Variants in INPPL1 observed in about 807,000 individuals in gnomAD.
INPPL1 encodes the protein phosphatidylinositol 3,4,5-trisphosphate 5-phosphatase 2.
Under a neutral mutation model 139.3 loss-of-function variants are expected in INPPL1, and 91 were observed. That is an observed-to-expected ratio of 0.65 (90% CI 0.55 to 0.78). The LOEUF (loss-of-function observed/expected upper bound fraction) is 0.78, where lower values mean the gene tolerates loss of function less well. Among genes scored for constraint, INPPL1 ranks in the 30% least tolerant of loss-of-function variants. INPPL1 has a pLI of 0.00. For missense variants in INPPL1, 1,411 were observed against 1,665.6 expected (o/e 0.85, Z 2.66); for synonymous variants, 719 against 686.6 (o/e 1.05, Z -0.74).
chr11:72,238,264 G>A lies in INPPL1; in HGVS notation c.3688G>A (p.Asp1230Asn). 6.2e-7 allele frequency: 1 copy of A among 1,613,390 alleles called. No individual in the cohort carries two copies. Among genetic ancestry groups the A allele is most frequent in the South Asian group, 1.1e-5 (1 of 91,028 alleles). ...TTCCCAGCCTGTTTTACTCCACAGT[G>A]ACATCACCGAGGAGGACTTGGAGGA... is the stretch of plus-strand genomic sequence containing the variant. ...NGWDDLEFLS[D>N]ITEEDLEEAG... The change falls in exon 28 of 28, where the codon GAC becomes AAC. Residue 1230 changes from aspartate (D) to asparagine (N), a missense_variant and splice_region_variant. Coordinates refer to ENST00000298229, the MANE Select transcript of INPPL1 (RefSeq NM_001567.4).
In INPPL1 at chr11:72,231,129, C is replaced by G. The variant is rs201505175; in HGVS notation, c.1437C>G (p.Arg479=). The G allele has an allele frequency of 6.2e-7, 1 of 1,613,700 alleles. No homozygotes were observed. Among genetic ancestry groups the G allele is most frequent in the Admixed American group, 1.7e-5 (1 of 59,996 alleles). ...FGTQENSVGD[R]EWLDLLRGGL... ...CCCAGGAGAACTCAGTGGGCGACCG[C>G]GAGTGGCTGGACCTACTGCGCGGGG... Residue 479 remains arginine, a synonymous_variant, in exon 12 of 28, where the codon CGC becomes CGG. Transcript: ENST00000298229.
At chr11:72,232,547 C>A in intron 14 of INPPL1, 79 bp from the exon 15 acceptor site, 3 of 1,544,952 alleles carry the variant, frequency 1.9e-6, no homozygotes, top group South Asian at 2.3e-5. Context: ...CCTGAGACTT[C>A]TTCCCTTTAT....
chr11:72,234,736 T>C lies in INPPL1; in HGVS notation c.2415+121T>C. The C allele has an allele frequency of 2.3e-6, 1 of 440,130 alleles. No individual in the cohort carries two copies. The highest frequency in any genetic ancestry group is 3.1e-5 in the South Asian group (1 of 32,442). The allele number at this position is 440,130 out of a possible 1,614,324, so 27.3% of individuals were successfully genotyped here. The stretch of plus-strand genomic sequence containing the variant: ...CCAGCAGAGAGAGAGAGAGAGAGTG[T>C]GTGTGTGTGTGTGTGTGTGTGTGTG... On this transcript the variant is annotated intron_variant, in intron 21 of 27. Transcript: ENST00000298229. This position sits in a 1 kb window ranked among gnomAD's most constrained non-coding sequence, Gnocchi z 4.2.
At chr11:72,236,078 C>T (rs1240308191) in intron 25 of INPPL1, 92 bp downstream of exon 25, 3 of 735,540 alleles carry the variant, frequency 4.1e-6, no homozygotes, top group Non-Finnish European at 6.7e-6. Context: ...GCCTGGAGAT[C>T]ATCAGCTGCT....
At chr11:72,225,410 T>C (rs1948642833) in intron 1 of INPPL1, 1 of 985,202 alleles carries the variant, frequency 1.0e-6, no homozygotes, top group Non-Finnish European at 1.2e-6. Context: ...TGTGGCCCAG[T>C]GTGACTGTGA....
Position 72,237,236 on chromosome 11 carries a change from C to T in INPPL1, c.2992C>T (p.Pro998Ser), listed in dbSNP as rs1453630221. 4 of 1,614,010 alleles carry T rather than the reference C, an allele frequency of 2.5e-6. No homozygotes were observed. The highest frequency in any genetic ancestry group is 4.5e-5 in the East Asian group (2 of 44,880). ...TGAAGGGGTCCCGCACCAGCTGCTG[C>T]CCCCGGAGCCACCCTCGCCTGCCAG... ...VLEGVPHQLLPPEPPSPARAP... is the reference protein window; with the variant it reads ...VLEGVPHQLLSPEPPSPARAP... Residue 998 changes from proline (P) to serine (S), a missense_variant, in exon 26 of 28, where the codon CCC (proline) becomes TCC (serine). This residue lies in a region of INPPL1 where 438 missense variants were observed against 425.7 expected (regional missense o/e 1.03). Transcript: ENST00000298229.
intron 5 of INPPL1, 56 bp from the exon 6 acceptor site, chr11:72,229,409 C>G (rs1353756896): frequency 5.2e-5 from 81 of 1,550,162 alleles, no homozygotes; most frequent in Non-Finnish European, 7.2e-5. Context: ...ACCCAGCGCC[C>G]CCTTCCCTAT....
rs964798894 is a variant in INPPL1 at position 72,234,090 on chromosome 11, G to A, written c.2213-191G>A. Among the ~76,000 whole-genome samples, 3 of 152,184 alleles carry A rather than the reference G, an allele frequency of 2.0e-5. No homozygotes were observed. The highest frequency in any genetic ancestry group is 2.9e-5 in the Non-Finnish European group (2 of 68,022). The stretch of plus-strand genomic sequence containing the variant: ...TCAATGGGTTTTTTATCCTTGGGTT[G>A]TCTCTTTGCTCTGGTCCAGGGTCTG... On this transcript the variant is annotated intron_variant, in intron 19 of 27. Transcript: ENST00000298229. This position sits in a 1 kb window ranked among gnomAD's most constrained non-coding sequence, Gnocchi z 4.2.
At position 72,232,343 on chromosome 11, in the gene INPPL1, G is replaced by A. The variant is rs369072158; in HGVS notation, c.1712+7G>A. The A allele has an allele frequency of 6.5e-7, 1 of 1,550,332 alleles. No individual in the cohort carries two copies. The highest frequency in any genetic ancestry group is 8.7e-7 in the Non-Finnish European group (1 of 1,145,978). ...GAAATGAGAAGACGGCTCGGTGAGG[G>A]GGCGCCTTTCCCATGGTCTCTTTAC... is the stretch of plus-strand genomic sequence containing the variant. On this transcript the variant is annotated splice_region_variant and intron_variant, in intron 14 of 27. Coordinates refer to ENST00000298229, the MANE Select transcript of INPPL1 (RefSeq NM_001567.4).
At chr11:72,233,234 G>C in intron 17 of INPPL1, 71 bp downstream of exon 17, 1 of 1,383,336 alleles carries the variant, frequency 7.2e-7, no homozygotes, top group Non-Finnish European at 1.0e-6. Flanking sequence ...TGGGTCAAGG[G>C]TATGGGCCTC....
In INPPL1 at chr11:72,228,716, C is replaced by G. The variant is rs1173034457; in HGVS notation, c.398-11C>G. 1.2e-6 allele frequency: 2 copies of G among 1,607,964 alleles called. No individual in the cohort carries two copies. Among genetic ancestry groups the G allele is most frequent in the Non-Finnish European group, 1.7e-6 (2 of 1,176,908 alleles). On this transcript the variant is annotated splice_polypyrimidine_tract_variant and intron_variant, in intron 3 of 27. Coordinates refer to ENST00000298229, the MANE Select transcript of INPPL1 (RefSeq NM_001567.4). This position sits in a 1 kb window ranked among gnomAD's most constrained non-coding sequence, Gnocchi z 5.0. Reference sequence around the variant, plus strand: ...AGGCCCAAACGGCTGCCCACTGACCCCTGCCCACAGATGGGGAGGATGAGA... The same window carrying G: ...AGGCCCAAACGGCTGCCCACTGACCGCTGCCCACAGATGGGGAGGATGAGA...
rs1319618130 is a variant in INPPL1, at chr11:72,230,472, A to G, written c.1197+4A>G. 1 of 1,613,016 alleles carries G rather than the reference A, an allele frequency of 6.2e-7. No homozygotes were observed. Among genetic ancestry groups the G allele is most frequent in the Non-Finnish European group, 8.5e-7 (1 of 1,179,692 alleles). Reference sequence around the variant, plus strand: ...CTTCATCTTTGTCAGTGCCCGGGTGAGCAGCAGGCTGGGCCAGGCCACTGG... The same window carrying G: ...CTTCATCTTTGTCAGTGCCCGGGTGGGCAGCAGGCTGGGCCAGGCCACTGG... On this transcript the variant is annotated splice_donor_region_variant and intron_variant, in intron 10 of 27. Transcript: ENST00000298229.
Position 72,234,476 on chromosome 11 carries a change from A to T in INPPL1, c.2327-51A>T. Reference sequence around the variant, plus strand: ...GCAGTCAGCCCCCTACTTAGGGGGAAAGGAAGCTGAGAGGTGGTGCTCAGT... The same window carrying T: ...GCAGTCAGCCCCCTACTTAGGGGGATAGGAAGCTGAGAGGTGGTGCTCAGT... On this transcript the variant is annotated intron_variant, in intron 20 of 27. Coordinates refer to ENST00000298229, the MANE Select transcript of INPPL1 (RefSeq NM_001567.4). This position sits in a 1 kb window ranked among gnomAD's most constrained non-coding sequence, Gnocchi z 4.2. The T allele has an allele frequency of 6.3e-7, 1 of 1,588,724 alleles. No homozygotes were observed.
chr11:72,223,845 CGCGGGGCGGG>C (rs1010945088), upstream of INPPL1: 1 of 149,752 alleles, frequency 6.7e-6, no homozygotes, highest in Middle Eastern at 3.3e-3. Context: ...CCCGGGGCGG[CGCGGGGCGGG>C]GCGGGCGGCG....
At position 72,238,477 on chromosome 11, in the gene INPPL1, C is replaced by A; in HGVS notation, c.*124C>A. ...ATCTCTCTGCCTATTTATTGGGGTG[C>A]CTATTTATTGGGGATCTGCATTCCC... is the stretch of plus-strand genomic sequence containing the variant. On this transcript the variant is annotated 3_prime_UTR_variant, in exon 28 of 28. Transcript: ENST00000298229. 1.3e-6 allele frequency: 1 copy of A among 746,952 alleles called. No individual in the cohort carries two copies. The highest frequency in any genetic ancestry group is 2.0e-6 in the Non-Finnish European group (1 of 491,110). 46.3% of individuals were successfully genotyped at this position (746,952 alleles called of 1,614,324 possible).
chr11:72,232,340 AG>A lies in INPPL1; in HGVS notation c.1712+9del. 2 of 1,550,978 alleles carry A rather than the reference AG, an allele frequency of 1.3e-6. No individual in the cohort carries two copies. The highest frequency in any genetic ancestry group is 1.7e-6 in the Non-Finnish European group (2 of 1,146,452). On this transcript the variant is annotated splice_donor_5th_base_variant and intron_variant, in intron 14 of 27. Coordinates refer to ENST00000298229, the MANE Select transcript of INPPL1 (RefSeq NM_001567.4). ...CGGGAAATGAGAAGACGGCTCGGTGAGGGGGCGCCTTTCCCATGGTCTCTTT... is the reference window on the plus strand; with the variant it reads ...CGGGAAATGAGAAGACGGCTCGGTGAGGGGCGCCTTTCCCATGGTCTCTTT...
rs1299777304 is a variant in INPPL1, at chr11:72,230,477, C to T, written c.1197+9C>T. ...TCTTTGTCAGTGCCCGGGTGAGCAG[C>T]AGGCTGGGCCAGGCCACTGGGGACT... On this transcript the variant is annotated intron_variant, in intron 10 of 27. Transcript: ENST00000298229. The T allele has an allele frequency of 6.2e-7, 1 of 1,612,048 alleles. No individual in the cohort carries two copies. The highest frequency in any genetic ancestry group is 8.5e-7 in the Non-Finnish European group (1 of 1,178,876).
rs1344587358 is a variant in INPPL1, at chr11:72,231,480, C to T, written c.1498-18C>T. 6.4e-7 allele frequency: 1 copy of T among 1,564,574 alleles called. No homozygotes were observed. Among genetic ancestry groups the T allele is most frequent in the Admixed American group, 1.7e-5 (1 of 59,978 alleles). ...GTGGGTGCAGCAGGGCAGTGGTGAC[C>T]ATGCACTCTCTACCCAGATTGCCAT... On this transcript the variant is annotated intron_variant, in intron 12 of 27. Coordinates refer to ENST00000298229, the MANE Select transcript of INPPL1 (RefSeq NM_001567.4).
At position 72,235,618 on chromosome 11, in the gene INPPL1, T is replaced by C; in HGVS notation, c.2660-57T>C. On this transcript the variant is annotated intron_variant, in intron 23 of 27. Transcript: ENST00000298229. This position sits in a 1 kb window ranked among gnomAD's most constrained non-coding sequence, Gnocchi z 4.9. ...GGAAAGGGCTGGCAGGCCCACTGGG[T>C]GTCTGTGGGATCCAGGAGCCCAGGT... 6.3e-7 allele frequency: 1 copy of C among 1,591,980 alleles called. No homozygotes were observed. The highest frequency in any genetic ancestry group is 2.2e-5 in the East Asian group (1 of 44,716).
Sources: gnomAD v4.1 joint callset for allele counts (sites outside exome capture counted in the v4.1 genomes callset) on GRCh38, gnomAD v4.1.1 for gene constraint, gnomAD v4.1.1 regional missense constraint, Gnocchi (gnomAD v3.1) non-coding constraint, MANE v1.5 for transcripts, NCBI Gene and HGNC (gene_info 2026-07-23, HGNC 2026-07-21) for gene names.